Variants in ACER3 observed in about 807,000 individuals in gnomAD.
The protein encoded by ACER3 is alkaline ceramidase 3.
ACER3 carries 16 observed loss-of-function variants against 48.9 expected under a neutral mutation model. The observed-to-expected ratio is 0.33, with a 90% confidence interval of 0.22 to 0.50. The LOEUF (loss-of-function observed/expected upper bound fraction) is 0.50. Among genes scored for constraint, ACER3 ranks in the 20% least tolerant of loss-of-function variants. The probability of loss-of-function intolerance (pLI) is 0.98; values close to 1 mark genes in which losing one functional copy is unlikely to be tolerated. For missense variants in ACER3, 227 were observed against 326.0 expected, an observed-to-expected ratio of 0.70 and a Z score of 2.34; for synonymous variants, 109 against 107.8, an observed-to-expected ratio of 1.01 and a Z score of -0.07.
chr11:77,007,368 C>T (rs1555021262), intron 7 of ACER3, among the ~76,000 whole-genome samples: 1 of 152,192 alleles, frequency 6.6e-6, no homozygotes, highest in African/African-American at 2.4e-5. Context: ...GGTCCCTTAG[C>T]ACCACCTCAT....
intron 1 of ACER3, among the ~76,000 whole-genome samples, chr11:76,862,401 C>A (rs1182287296): frequency 6.6e-6 from 1 of 152,032 alleles, no homozygotes; most frequent in South Asian, 2.1e-4. Flanking sequence ...ATAATTTTTA[C>A]ATAATCATGG....
chr11:77,005,962 T>C (rs1826348772), intron 7 of ACER3, among the ~76,000 whole-genome samples: 1 of 77,452 alleles, frequency 1.3e-5, no homozygotes, highest in Non-Finnish European at 3.3e-5. Flanking sequence ...ATGTATATTA[T>C]ATATATATAC....
At chr11:76,929,831 G>C (rs1474861276) in intron 2 of ACER3, among the ~76,000 whole-genome samples, 1 of 152,194 alleles carries the variant, frequency 6.6e-6, no homozygotes, top group Non-Finnish European at 1.5e-5. Flanking sequence ...ACTTGATCAT[G>C]GTGAATAAGC....
chr11:77,007,340 T>C (rs1356728964), intron 7 of ACER3, among the ~76,000 whole-genome samples: 1 of 152,168 alleles, frequency 6.6e-6, no homozygotes, highest in Non-Finnish European at 1.5e-5. Context: ...CACTTAGATC[T>C]TTTGTTATAG....
In ACER3 at chr11:77,020,455, T is replaced by A; in HGVS notation, c.*128T>A. The A allele has an allele frequency of 9.8e-7, 1 of 1,019,516 alleles. No individual in the cohort carries two copies. Among genetic ancestry groups the A allele is most frequent in the Non-Finnish European group, 1.4e-6 (1 of 696,576 alleles). 63.2% of individuals were successfully genotyped at this position (1,019,516 alleles called of 1,614,324 possible). A position where few individuals can be genotyped will look rare whatever the true frequency, so the allele number is the denominator to read the frequency against. On this transcript the variant is annotated 3_prime_UTR_variant, in exon 11 of 11. Coordinates refer to ENST00000532485, the MANE Select transcript of ACER3 (RefSeq NM_018367.7). ...CACAGCAGAGGAGTGACTTTCTGAC[T>A]AATGCTGCCACCCACACAGAGAATA...
chr11:76,976,183 G>A (rs1948439250), intron 3 of ACER3, 106 bp from the exon 4 acceptor site: 1 of 863,080 alleles, frequency 1.2e-6, no homozygotes, highest in South Asian at 1.5e-5. Context: ...CTCTGTGCCT[G>A]GTCTAAGAGC....
intron 1 of ACER3, chr11:76,868,041 C>T (rs1945140948): frequency 8.8e-7 from 1 of 1,142,392 alleles, no homozygotes; most frequent in Non-Finnish European, 1.2e-6. Context: ...TCAGCTATCT[C>T]TGCCATACAG....
At chr11:76,977,015 T>C (rs1431268769) in intron 4 of ACER3, among the ~76,000 whole-genome samples, 1 of 152,230 alleles carries the variant, frequency 6.6e-6, no homozygotes, top group East Asian at 1.9e-4. Context: ...TAATAAATGC[T>C]AATATGTAAC....
At chr11:76,946,713 G>A (rs576261356) in intron 2 of ACER3, among the ~76,000 whole-genome samples, 10 of 152,272 alleles carry the variant, frequency 6.6e-5, no homozygotes, top group South Asian at 4.1e-4. Context: ...TTGGAGCAGC[G>A]TAGCATCAGC....
chr11:76,862,484 A>T (rs971887083), intron 1 of ACER3, among the ~76,000 whole-genome samples: 3 of 152,198 alleles, frequency 2.0e-5, no homozygotes, highest in Non-Finnish European at 4.4e-5. Context: ...GAAGCGCTTT[A>T]CCAGTTTGTT....
At chr11:76,912,029 C>A (rs1044087273) in intron 1 of ACER3, among the ~76,000 whole-genome samples, 55 of 152,246 alleles carry the variant, frequency 3.6e-4, no homozygotes, top group African/African-American at 1.3e-3. Context: ...TAAGAATGTT[C>A]TAGTGGTTGT....
At chr11:76,902,463 A>T (rs1946105579) in intron 1 of ACER3, among the ~76,000 whole-genome samples, 1 of 152,212 alleles carries the variant, frequency 6.6e-6, no homozygotes, top group African/African-American at 2.4e-5. Context: ...ATGCCTTCAC[A>T]AATTCCCTTT....
At chr11:76,958,459 T>A (rs879507980) in intron 2 of ACER3, among the ~76,000 whole-genome samples, 3 of 152,184 alleles carry the variant, frequency 2.0e-5, no homozygotes, top group Non-Finnish European at 4.4e-5. Flanking sequence ...AGTGCTGGGA[T>A]TACAGGCGCG....
At chr11:76,967,893 G>A (rs1948181684) in intron 3 of ACER3, among the ~76,000 whole-genome samples, 1 of 152,118 alleles carries the variant, frequency 6.6e-6, no homozygotes, top group South Asian at 2.1e-4. Flanking sequence ...AGACAGGGAT[G>A]TCCTCTCTCA....
In ACER3 at chr11:76,927,303, T is replaced by G. The variant is rs187583034; in HGVS notation, c.214+636T>G. 2.4e-3 allele frequency among the ~76,000 whole-genome samples: 372 copies of G among 152,296 alleles called. 1 individual carries two copies. Among genetic ancestry groups the G allele is most frequent in the Non-Finnish European group, 4.5e-3 (304 of 68,024 alleles). Reference sequence around the variant, plus strand: ...TGTCTGGCAGTTTAGTGTTCCTCAATAAGTACTGGATGGATGGGTAAATCA... The same window carrying G: ...TGTCTGGCAGTTTAGTGTTCCTCAAGAAGTACTGGATGGATGGGTAAATCA... On this transcript the variant is annotated intron_variant, in intron 2 of 10. Transcript: ENST00000532485.
At chr11:77,012,514 G>A (rs1555022394) in intron 7 of ACER3, among the ~76,000 whole-genome samples, 1 of 147,616 alleles carries the variant, frequency 6.8e-6, no homozygotes, top group East Asian at 2.0e-4. Context: ...ATATTTCTCT[G>A]TTCTAGCAGT....
rs182459403 is a variant in ACER3 at position 76,903,362 on chromosome 11, A to G, written c.104-23195A>G. 2.2e-4 allele frequency among the ~76,000 whole-genome samples: 33 copies of G among 152,262 alleles called. 1 individual carries two copies. In the East Asian group the frequency reaches 6.2e-3, roughly 29 times the overall value. On this transcript the variant is annotated intron_variant, in intron 1 of 10. Transcript: ENST00000532485. ...CCAAGCCAAAGAAGCAAAAAAGGAA[A>G]TGCAACACTAGTAATCACTCTGCCC...
chr11:77,017,453 T>C (rs1441694230), intron 9 of ACER3, among the ~76,000 whole-genome samples: 8 of 152,090 alleles, frequency 5.3e-5, no homozygotes, highest in Non-Finnish European at 1.2e-4. Context: ...GGTCAAAACA[T>C]TCATAAAAGA....
At position 76,998,596 on chromosome 11, in the gene ACER3, A is replaced by G. The variant is rs1038521584; in HGVS notation, c.439-167A>G. 9 of 535,446 alleles carry G rather than the reference A, an allele frequency of 1.7e-5. No homozygotes were observed. In the Admixed American group the frequency reaches 3.4e-4, roughly 20 times the overall value. 33.2% of individuals were successfully genotyped at this position (535,446 alleles called of 1,614,324 possible). ...GACTCTTAACTTTTCCTCAGAAGTT[A>G]GCATGATTTAGTGATTTAACACATT... is the stretch of plus-strand genomic sequence containing the variant. On this transcript the variant is annotated intron_variant, in intron 6 of 10. Coordinates refer to ENST00000532485, the MANE Select transcript of ACER3 (RefSeq NM_018367.7).
Sources: allele counts gnomAD v4.1 joint callset (sites outside exome capture counted in the v4.1 genomes callset), GRCh38; gene constraint gnomAD v4.1.1; transcripts MANE v1.5; gene names NCBI Gene and HGNC (gene_info 2026-07-23, HGNC 2026-07-21).